EGLN2: variants seen among roughly 807,000 people sequenced by gnomAD.
EGLN2 encodes egl-9 family hypoxia inducible factor 2.
Under a neutral mutation model 38.2 loss-of-function variants are expected in EGLN2, and 15 were observed. The observed-to-expected ratio is 0.39, with a 90% CI of 0.26 to 0.60. The LOEUF (loss-of-function observed/expected upper bound fraction) is 0.60, where lower values mean the gene tolerates loss of function less well. EGLN2 is among the 20% of genes least tolerant of loss of function. The pLI is 0.50. For missense variants in EGLN2, 492 were observed against 570.4 expected (o/e 0.86, Z 1.40); for synonymous variants, 284 against 237.4 (o/e 1.20, Z -1.81).
rs1345773369 is a variant in EGLN2, at chr19:40,800,478, C to G, written c.-95C>G. On this transcript the variant is annotated 5_prime_UTR_variant, in exon 2 of 6. Transcript: ENST00000303961. ...CCACGCCAGGCCCGGTGGCCCCCAG[C>G]TGCATCAAGTGGAGGCGGAGGAGGA... 2 of 1,450,090 alleles carry G rather than the reference C, an allele frequency of 1.4e-6. No homozygotes were observed. Among genetic ancestry groups the G allele is most frequent in the Non-Finnish European group, 1.8e-6 (2 of 1,102,448 alleles). The allele number at this position is 1,450,090 out of a possible 1,614,324, so 89.8% of individuals were successfully genotyped here.
At chr19:40,807,100 G>A (rs371353454) in intron 3 of EGLN2, 38 bp from the exon 4 acceptor site, 10 of 1,609,404 alleles carry the variant, frequency 6.2e-6, no homozygotes, top group Non-Finnish European at 8.5e-6. Flanking sequence ...GCGGCTCCTG[G>A]CCGTACCAGC....
At position 40,800,353 on chromosome 19, in the gene EGLN2, C is replaced by T. The variant is rs1030700333; in HGVS notation, c.-220C>T. 3.9e-5 allele frequency: 23 copies of T among 587,874 alleles called. No homozygotes were observed. The highest frequency in any genetic ancestry group is 6.3e-5 in the Non-Finnish European group (22 of 348,626). The allele number at this position is 587,874 out of a possible 1,614,324, so 36.4% of individuals were successfully genotyped here. On this transcript the variant is annotated 5_prime_UTR_variant, in exon 2 of 6. Coordinates refer to ENST00000303961, the MANE Select transcript of EGLN2 (RefSeq NM_080732.4). ...CCTTTCTCTAGCCACCCTGAAGGGT[C>T]CCTTCCCAAGCCCTTAGGGACCGCA...
intron 3 of EGLN2, 185 bp downstream of exon 3, chr19:40,806,859 G>A (rs1045644642): frequency 3.0e-5 from 30 of 983,966 alleles, no homozygotes; most frequent in Non-Finnish European, 4.5e-5. Context: ...CTCTCTAGCG[G>A]ACTGTGTGGT....
In EGLN2 at chr19:40,801,260, A is replaced by T. The variant is rs762666674; in HGVS notation, c.688A>T (p.Ile230Phe). 6.2e-7 allele frequency: 1 copy of T among 1,612,954 alleles called. No individual in the cohort carries two copies. The highest frequency in any genetic ancestry group is 8.5e-7 in the Non-Finnish European group (1 of 1,179,972). The change falls in exon 2 of 6, where the codon ATC (isoleucine) becomes TTC (phenylalanine). Residue 230 changes from isoleucine to phenylalanine, a missense_variant. This residue lies in a region of EGLN2 where 378 missense variants were observed against 386.2 expected (regional missense o/e 0.98). Transcript: ENST00000303961. The part of the protein sequence containing the change: ...RDGQLVSQRA[I>F]PPRSIRGDQI... ...CGGGCAGCTAGTGAGCCAGAGGGCG[A>T]TCCCGCCGCGCAGCATCCGTGGGGA...
In EGLN2 at chr19:40,800,754, G is replaced by C. The variant is rs199953354; in HGVS notation, c.182G>C (p.Ser61Thr). 6.2e-7 allele frequency: 1 copy of C among 1,613,698 alleles called. No homozygotes were observed. The highest frequency in any genetic ancestry group is 8.5e-7 in the Non-Finnish European group (1 of 1,179,820). The part of the protein sequence containing the change: ...PGVPSEASAG[S>T]GTPRATATST... ...GTGCCTAGTGAGGCCTCGGCAGGGA[G>C]TGGGACCCCCAGAGCCACAGCCACC... The change falls in exon 2 of 6, where the codon AGT becomes ACT. Residue 61 changes from serine to threonine, a missense_variant. By Grantham distance (58) the Ser-to-Thr change is moderately conservative (BLOSUM62 1). Transcript: ENST00000303961.
chr19:40,805,539 C>T lies in EGLN2; in HGVS notation c.844-1016C>T, dbSNP rs1357252103. ...AGACCAGGAAGTCACCTGCCTGATG[C>T]CACAGCTCATGTGGCAGCACTGAGA... On this transcript the variant is annotated intron_variant, in intron 2 of 5. Transcript: ENST00000303961. 3.5e-4 allele frequency: 54 copies of T among 152,234 alleles called. 1 individual carries two copies. The highest frequency in any genetic ancestry group is 3.5e-3 in the Admixed American group (54 of 15,286). 9.4% of individuals were successfully genotyped at this position (152,234 alleles called of 1,614,324 possible). A position where few individuals can be genotyped will look rare whatever the true frequency, so the allele number is the denominator to read the frequency against.
intron 3 of EGLN2, 198 bp downstream of exon 3, chr19:40,806,872 G>A: frequency 3.2e-6 from 3 of 937,280 alleles, no homozygotes; most frequent in South Asian, 3.4e-5. Context: ...TGTGTGGTGG[G>A]AACTCCCCTC....
Position 40,800,554 on chromosome 19 carries a change from G to T in EGLN2, c.-19G>T. 6.4e-7 allele frequency: 1 copy of T among 1,566,858 alleles called. No individual in the cohort carries two copies. On this transcript the variant is annotated 5_prime_UTR_variant, in exon 2 of 6. An upstream open reading frame in the 5' UTR gains an earlier in-frame stop. Coordinates refer to ENST00000303961, the MANE Select transcript of EGLN2 (RefSeq NM_080732.4). ...CCGGGCGGTGCCCTCCATGCCCGGGGGATGAAGACACTGCTGCCATGGACA... is the reference window on the plus strand; with the variant it reads ...CCGGGCGGTGCCCTCCATGCCCGGGTGATGAAGACACTGCTGCCATGGACA...
At chr19:40,806,927 A>T in intron 3 of EGLN2, 1 of 952,262 alleles carries the variant, frequency 1.1e-6, no homozygotes, top group Non-Finnish European at 1.5e-6. Flanking sequence ...CGGCCTTGTA[A>T]TGAACACTTT....
rs1475911973 is a variant in EGLN2, at chr19:40,808,021, G to C, written c.*157G>C. 1 of 729,338 alleles carries C rather than the reference G, an allele frequency of 1.4e-6. No individual in the cohort carries two copies. The highest frequency in any genetic ancestry group is 2.3e-6 in the Non-Finnish European group (1 of 441,908). The allele number at this position is 729,338 out of a possible 1,614,324, so 45.2% of individuals were successfully genotyped here. A position where few individuals can be genotyped will look rare whatever the true frequency, so the allele number is the denominator to read the frequency against. ...TCTGTCTGTTGCTGAGGACCAAGGAGGAGAAGAGACCTTTGCTGCCCCATC... is the reference window on the plus strand; with the variant it reads ...TCTGTCTGTTGCTGAGGACCAAGGACGAGAAGAGACCTTTGCTGCCCCATC... On this transcript the variant is annotated 3_prime_UTR_variant, in exon 6 of 6. Transcript: ENST00000303961.
intron 2 of EGLN2, 111 bp from the exon 3 acceptor site, chr19:40,806,444 G>A: frequency 1.3e-6 from 2 of 1,549,880 alleles, no homozygotes; most frequent in Admixed American, 1.8e-5. Flanking sequence ...GACCCAAGGA[G>A]TCATGGGGAA....
In EGLN2 at chr19:40,800,517, G is replaced by A; in HGVS notation, c.-56G>A. The A allele has an allele frequency of 6.7e-7, 1 of 1,503,626 alleles. No homozygotes were observed. Among genetic ancestry groups the A allele is most frequent in the Non-Finnish European group, 8.9e-7 (1 of 1,128,772 alleles). 93.1% of individuals were successfully genotyped at this position (1,503,626 alleles called of 1,614,324 possible). ...GGCGGAGGAGGAGGCGGAGGAGGGT[G>A]GCACCATGGGCCCGGGCGGTGCCCT... On this transcript the variant is annotated 5_prime_UTR_variant, in exon 2 of 6. Coordinates refer to ENST00000303961, the MANE Select transcript of EGLN2 (RefSeq NM_080732.4).
At chr19:40,807,769 T>C (rs1160208538) in intron 5 of EGLN2, 40 bp from the exon 6 acceptor site, 12 of 1,609,130 alleles carry the variant, frequency 7.5e-6, no homozygotes, top group Non-Finnish European at 1.0e-5. Context: ...TTCTTTGTCC[T>C]TCTGATGACT....
intron 3 of EGLN2, 167 bp downstream of exon 3, chr19:40,806,841 ACCTCCTCCTCTCTAGC>A: frequency 6.7e-6 from 7 of 1,039,602 alleles, no homozygotes; most frequent in Non-Finnish European, 9.8e-6. Context: ...GGGAAATGGC[ACCTCCTCCTCTCTAGC>A]GGACTGTGTG....
intron 3 of EGLN2, 54 bp from the exon 4 acceptor site, chr19:40,807,084 G>T: frequency 6.2e-7 from 1 of 1,602,866 alleles, no homozygotes. Flanking sequence ...GGCACCGTGG[G>T]AGGCAGCGGC....
At position 40,807,499 on chromosome 19, in the gene EGLN2, C is replaced by T. The variant is rs755182350; in HGVS notation, c.1116C>T (p.Val372=). The T allele has an allele frequency of 1.2e-6, 2 of 1,614,062 alleles. No individual in the cohort carries two copies. The highest frequency in any genetic ancestry group is 1.7e-6 in the Non-Finnish European group (2 of 1,180,016). ...PAYATRYAIT[V]WYFDAKERAA... The stretch of plus-strand genomic sequence containing the variant: ...TGGTCTCCAGGTACGCCATCACTGT[C>T]TGGTATTTTGATGCCAAGGAGCGGG... Residue 372 remains valine (V), a synonymous_variant, in exon 5 of 6, where the codon GTC becomes GTT. Transcript: ENST00000303961.
Position 40,808,379 on chromosome 19 carries a change from C to A in EGLN2, c.*515C>A, listed in dbSNP as rs1055893151. On this transcript the variant is annotated 3_prime_UTR_variant, in exon 6 of 6. Transcript: ENST00000303961. ...GCAGAGTAAAAGGTGCCAGGAGGAG[C>A]ATGGGTGTGGAAGTCCTGTCAGCCA... 6.5e-5 allele frequency: 26 copies of A among 402,646 alleles called. No homozygotes were observed. The highest frequency in any genetic ancestry group is 5.3e-4 in the African/African-American group (26 of 48,718). The allele number at this position is 402,646 out of a possible 1,614,324, so 24.9% of individuals were successfully genotyped here. A position where few individuals can be genotyped will look rare whatever the true frequency, so the allele number is the denominator to read the frequency against.
intron 5 of EGLN2, 69 bp downstream of exon 5, chr19:40,807,620 C>A (rs2083314851): frequency 3.3e-6 from 5 of 1,536,804 alleles, no homozygotes; most frequent in Non-Finnish European, 4.5e-6. Flanking sequence ...CACCCCATCC[C>A]CCTCATCAGC....
chr19:40,806,233 A>G (rs898964296), intron 2 of EGLN2: 3 of 333,526 alleles, frequency 9.0e-6, no homozygotes, highest in Non-Finnish European at 1.2e-5. Context: ...ATTCTACTGA[A>G]ATGGCTGAGG....
Sources: allele counts gnomAD v4.1 joint callset, GRCh38; gene constraint gnomAD v4.1.1; regional missense constraint gnomAD v4.1.1; transcripts MANE v1.5; gene names NCBI Gene and HGNC (gene_info 2026-07-23, HGNC 2026-07-21).